ITPRID1: variants seen among roughly 807,000 people sequenced by gnomAD.
The protein encoded by ITPRID1 is ITPR interacting domain containing 1.
In ITPRID1, 96 loss-of-function variants were observed where a neutral mutation model predicts 95.4. That is an observed-to-expected ratio of 1.01 (90% CI 0.85 to 1.19). The LOEUF (loss-of-function observed/expected upper bound fraction) is 1.19, where lower values mean the gene tolerates loss of function less well. Among genes scored for constraint, ITPRID1 ranks in the 50% most tolerant of loss-of-function variants. ITPRID1 has a pLI of 0.00. For synonymous variants in ITPRID1, 510 were observed against 453.6 expected, an observed-to-expected ratio of 1.12 and a Z score of -1.58; for missense variants, 1,339 against 1,252.9, an observed-to-expected ratio of 1.07 and a Z score of -1.04.
intron 1 of ITPRID1, among the ~76,000 whole-genome samples, chr7:31,519,620 C>CTCTCTCTATATATATATATA: frequency 1.6e-3 from 40 of 25,236 alleles, no homozygotes; most frequent in South Asian, 2.1e-3. Flanking sequence ...CTCTCTCTCT[C>CTCTCTCTATATATATATATA]TATATATATA....
intron 1 of ITPRID1, among the ~76,000 whole-genome samples, chr7:31,525,045 A>G (rs1783380349): frequency 6.6e-6 from 1 of 152,190 alleles, no homozygotes; most frequent in African/African-American, 2.4e-5. Flanking sequence ...TACATTCACT[A>G]TTACACATAC....
chr7:31,544,046 G>C (rs1385066711), intron 1 of ITPRID1, among the ~76,000 whole-genome samples: 4 of 151,866 alleles, frequency 2.6e-5, no homozygotes, highest in African/African-American at 9.7e-5. Flanking sequence ...TCAAAGACCA[G>C]CTGACTATTT....
intron 10 of ITPRID1, among the ~76,000 whole-genome samples, chr7:31,635,677 T>C: frequency 6.6e-6 from 1 of 152,056 alleles, no homozygotes. Flanking sequence ...CATGCTGCTA[T>C]GAAGAAATAC....
chr7:31,646,831 G>T (rs913694338), intron 12 of ITPRID1, among the ~76,000 whole-genome samples: 1 of 152,150 alleles, frequency 6.6e-6, no homozygotes, highest in Non-Finnish European at 1.5e-5. Context: ...CTAATGCCTT[G>T]TCTCCTATTG....
chr7:31,553,557 A>G (rs1008642106), intron 3 of ITPRID1, among the ~76,000 whole-genome samples: 1 of 152,224 alleles, frequency 6.6e-6, no homozygotes, highest in South Asian at 2.1e-4. Context: ...TGCAGGAGGC[A>G]TTGACAAAAA....
chr7:31,608,221 ATGTC>A (rs147596889), intron 10 of ITPRID1, among the ~76,000 whole-genome samples: 3 of 152,120 alleles, frequency 2.0e-5, no homozygotes, highest in South Asian at 4.1e-4. Flanking sequence ...ATTAATTTAT[ATGTC>A]TGTCTGTATA....
intron 1 of ITPRID1, among the ~76,000 whole-genome samples, chr7:31,547,267 C>T (rs1784128743): frequency 6.6e-6 from 1 of 152,164 alleles, no homozygotes; most frequent in Non-Finnish European, 1.5e-5. Context: ...TTAATGGCTC[C>T]CGTATTAGTG....
rs1359282995 is a variant in ITPRID1 at position 31,644,738 on chromosome 7, C to A, written c.2583+785C>A. On this transcript the variant is annotated intron_variant, in intron 12 of 14. Transcript: ENST00000615280. ...TTTTTAAGGTAAGAAATGATCTAGG[C>A]TTTCAGGGCCAGCCATTGATTAAAA... Among the ~76,000 whole-genome samples the A allele has an allele frequency of 3.9e-5, 6 of 152,156 alleles. 1 individual carries two copies. Among genetic ancestry groups the A allele is most frequent in the Admixed American group, 3.9e-4 (6 of 15,272 alleles).
intron 1 of ITPRID1, among the ~76,000 whole-genome samples, chr7:31,531,689 G>A (rs1178546404): frequency 1.4e-5 from 2 of 143,342 alleles, no homozygotes; most frequent in East Asian, 3.9e-4. Context: ...CTAGTAGAAG[G>A]GAGCAAGAAA....
chr7:31,550,870 T>A lies in ITPRID1; in HGVS notation c.-24+1371T>A, dbSNP rs554924561. Among the ~76,000 whole-genome samples the A allele has an allele frequency of 2.7e-4, 38 of 143,052 alleles. 2 individuals carry two copies. Among genetic ancestry groups the A allele is most frequent in the African/African-American group, 8.6e-4 (35 of 40,766 alleles). 93.8% of individuals were successfully genotyped at this position (143,052 alleles called of 152,430 possible). A position where few individuals can be genotyped will look rare whatever the true frequency, so the allele number is the denominator to read the frequency against. ...TGGGGACGTACAAATAAAGCAGCAC[T>A]TTTACCTAAAATTTTAACAATTTTC... On this transcript the variant is annotated intron_variant, in intron 2 of 14. Transcript: ENST00000615280.
intron 10 of ITPRID1, among the ~76,000 whole-genome samples, chr7:31,595,705 A>G (rs1786059085): frequency 6.6e-6 from 1 of 152,154 alleles, no homozygotes; most frequent in Non-Finnish European, 1.5e-5. Context: ...TAAAGAGGTC[A>G]TCATTAATAA....
At chr7:31,572,596 A>G (rs1031187435) in intron 7 of ITPRID1, among the ~76,000 whole-genome samples, 13 of 152,360 alleles carry the variant, frequency 8.5e-5, no homozygotes, top group African/African-American at 3.1e-4. Context: ...ATGTAACTGC[A>G]TAGGAAAATG....
chr7:31,531,978 C>G lies in ITPRID1; in HGVS notation c.-97-17448C>G, dbSNP rs183903526. Among the ~76,000 whole-genome samples the G allele has an allele frequency of 1.6e-3, 250 of 152,194 alleles. 4 individuals are homozygous for G. The highest frequency in any genetic ancestry group is 5.9e-3 in the African/African-American group (245 of 41,514). On this transcript the variant is annotated intron_variant, in intron 1 of 14. Coordinates refer to ENST00000615280, the MANE Select transcript of ITPRID1 (RefSeq NM_001257967.3). The stretch of plus-strand genomic sequence containing the variant: ...TAATAGCGTACAACTGCATTTTAAA[C>G]AACTTACGTCAGGCCTAAAAATGGA...
intron 5 of ITPRID1, among the ~76,000 whole-genome samples, chr7:31,566,362 C>T (rs920266148): frequency 1.3e-5 from 2 of 152,180 alleles, no homozygotes; most frequent in Non-Finnish European, 2.9e-5. Flanking sequence ...TTCTAGGAAA[C>T]CCAGAGCAAT....
Position 31,643,514 on chromosome 7 carries a change from G to A in ITPRID1, c.2144G>A (p.Ser715Asn). The A allele has an allele frequency of 1.2e-6, 2 of 1,614,022 alleles. No individual in the cohort carries two copies. Among genetic ancestry groups the A allele is most frequent in the Admixed American group, 3.3e-5 (2 of 60,026 alleles). The change falls in exon 12 of 15, where the codon AGC (serine) becomes AAC (asparagine). Residue 715 changes from serine to asparagine, a missense_variant. Ser to Asn is a conservative substitution (Grantham distance 46). Coordinates refer to ENST00000615280, the MANE Select transcript of ITPRID1 (RefSeq NM_001257967.3). The part of the protein sequence containing the change: ...SRSVMTQMSS[S>N]LVSAAQRAVA... ...TCTGTAATGACCCAGATGTCCTCCA[G>A]CCTGGTGTCGGCTGCTCAGAGGGCT...
chr7:31,598,586 G>A (rs1022182143), intron 10 of ITPRID1, among the ~76,000 whole-genome samples: 1 of 151,686 alleles, frequency 6.6e-6, no homozygotes, highest in African/African-American at 2.4e-5. Context: ...TGTATTTTTA[G>A]TAGGGACGGG....
chr7:31,577,046 C>A (rs1785209847), intron 8 of ITPRID1, among the ~76,000 whole-genome samples: 1 of 151,912 alleles, frequency 6.6e-6, no homozygotes, highest in Admixed American at 6.6e-5. Context: ...GCCAGATCAT[C>A]CAGAAAGACT....
intron 10 of ITPRID1, among the ~76,000 whole-genome samples, chr7:31,619,653 CAG>C (rs1218956620): frequency 2.6e-5 from 4 of 152,090 alleles, no homozygotes; most frequent in African/African-American, 9.7e-5. Context: ...GGAACAGCTC[CAG>C]TCTACAGCCC....
Position 31,651,220 on chromosome 7 carries a change from CT to C in ITPRID1, c.2664del (p.Met889TrpfsTer29). ...GTATTTAGAAGAAATTGAACAGCAC[CT>C]TATGGGACAGCAGGCCCTCTTTTCC... The part of the protein sequence containing the change: ...REYLEEIEQH[L>X]MGQQALFSRD... On this transcript the variant is annotated frameshift_variant, in exon 13 of 15. Coordinates refer to ENST00000615280, the MANE Select transcript of ITPRID1 (RefSeq NM_001257967.3). LOFTEE classifies it high-confidence loss of function. The C allele has an allele frequency of 3.1e-6, 5 of 1,613,560 alleles. No individual in the cohort carries two copies. Among genetic ancestry groups the C allele is most frequent in the Non-Finnish European group, 4.2e-6 (5 of 1,179,628 alleles).
Sources: gnomAD v4.1 joint callset for allele counts (sites outside exome capture counted in the v4.1 genomes callset) on GRCh38, gnomAD v4.1.1 for gene constraint, MANE v1.5 for transcripts, NCBI Gene and HGNC (gene_info 2026-07-23, HGNC 2026-07-21) for gene names.